Variants in PRRC2B observed in about 807,000 individuals in gnomAD.
The protein encoded by PRRC2B is proline rich coiled-coil 2B.
In PRRC2B, 68 loss-of-function variants were observed where a neutral mutation model predicts 242.3. That is an observed-to-expected ratio of 0.28 (90% CI 0.23 to 0.34). The LOEUF (loss-of-function observed/expected upper bound fraction) is 0.34. PRRC2B is among the 10% of genes least tolerant of loss of function. PRRC2B has a pLI of 1.00. For synonymous variants in PRRC2B, 1,228 were observed against 1,173.6 expected, an observed-to-expected ratio of 1.05 and a Z score of -0.95; for missense variants, 2,835 against 2,954.8, an observed-to-expected ratio of 0.96 and a Z score of 0.94.
At chr9:131,452,797 G>C (rs766462243) in intron 9 of PRRC2B, among the ~76,000 whole-genome samples, 1 of 152,198 alleles carries the variant, frequency 6.6e-6, no homozygotes, top group African/African-American at 2.4e-5. Flanking sequence ...AGCACATTCT[G>C]TATGATTTCA....
At chr9:131,467,851 A>G in intron 13 of PRRC2B, 98 bp downstream of exon 13, 1 of 1,267,326 alleles carries the variant, frequency 7.9e-7, no homozygotes, top group African/African-American at 1.5e-5. Flanking sequence ...CAACTTAGAA[A>G]AAGGCCAGAA....
chr9:131,443,537 G>T (rs1485417797), intron 5 of PRRC2B, among the ~76,000 whole-genome samples: 1 of 148,664 alleles, frequency 6.7e-6, no homozygotes, highest in East Asian at 2.0e-4. Flanking sequence ...GGGCTCAAGT[G>T]ATCCTCCCAC....
intron 25 of PRRC2B, 199 bp from the exon 26 acceptor site, chr9:131,485,886 T>C (rs892096311): frequency 2.8e-6 from 2 of 713,452 alleles, no homozygotes; most frequent in African/African-American, 3.4e-5. Flanking sequence ...CTCCCTACGT[T>C]CCCTGAGGTG....
At chr9:131,428,302 C>G (rs188629602) in intron 1 of PRRC2B, among the ~76,000 whole-genome samples, 408 of 152,208 alleles carry the variant, frequency 2.7e-3, no homozygotes, top group Admixed American at 5.0e-3. Context: ...CTCACTGCAG[C>G]CTCAAGCTCC....
At chr9:131,409,062 G>A (rs970005420) in intron 1 of PRRC2B, among the ~76,000 whole-genome samples, 2 of 143,220 alleles carry the variant, frequency 1.4e-5, no homozygotes, top group Admixed American at 7.3e-5. Context: ...TGCTCTTGTC[G>A]CCCAGGCTGG....
intron 23 of PRRC2B, among the ~76,000 whole-genome samples, chr9:131,484,022 A>G (rs757715819): frequency 2.6e-5 from 4 of 152,240 alleles, no homozygotes; most frequent in Non-Finnish European, 5.9e-5. Flanking sequence ...GAGGATTCCA[A>G]GGAATGTGAG....
At chr9:131,376,699 T>C (rs986146590) in intron 1 of PRRC2B, among the ~76,000 whole-genome samples, 6 of 152,138 alleles carry the variant, frequency 3.9e-5, no homozygotes, top group Admixed American at 2.0e-4. Context: ...CAAAACCCAC[T>C]TGGGACTGCT....
At chr9:131,448,959 G>A (rs960773182) in intron 9 of PRRC2B, among the ~76,000 whole-genome samples, 3 of 152,106 alleles carry the variant, frequency 2.0e-5, no homozygotes, top group Admixed American at 2.0e-4. Flanking sequence ...CCAGTGCTCT[G>A]CCCTGCCACC....
At chr9:131,479,468 T>C in intron 19 of PRRC2B, 75 bp downstream of exon 19, 30 of 1,452,668 alleles carry the variant, frequency 2.1e-5, no homozygotes, top group Non-Finnish European at 2.8e-5. Context: ...CTGGGGAGGA[T>C]CCTGCTTTTG....
At position 131,381,651 on chromosome 9, in the gene PRRC2B, C is replaced by T. The variant is rs141154203; in HGVS notation, c.-56+7920C>T. Among the ~76,000 whole-genome samples the T allele has an allele frequency of 1.8e-3, 280 of 152,164 alleles. 1 individual carries two copies. The highest frequency in any genetic ancestry group is 7.3e-3 in the South Asian group (35 of 4,816). On this transcript the variant is annotated intron_variant, in intron 1 of 1. Coordinates refer to the PRRC2B transcript ENST00000682525. The stretch of plus-strand genomic sequence containing the variant: ...AGCCAGGATGGTCTTGATCTCCTGA[C>T]CTCGTGATCTGCCTGCCTCGGCCTC...
chr9:131,460,737 C>T (rs1943219330), intron 11 of PRRC2B, among the ~76,000 whole-genome samples: 1 of 152,164 alleles, frequency 6.6e-6, no homozygotes, highest in African/African-American at 2.4e-5. Flanking sequence ...CAGTGCGTGT[C>T]CTTTTTCCCT....
At position 131,487,159 on chromosome 9, in the gene PRRC2B, G is replaced by A. The variant is rs372401226; in HGVS notation, c.5857-8G>A. 2.2e-4 allele frequency: 349 copies of A among 1,613,020 alleles called. No individual in the cohort carries two copies. The highest frequency in any genetic ancestry group is 2.8e-4 in the Non-Finnish European group (325 of 1,179,592). On this transcript the variant is annotated splice_polypyrimidine_tract_variant and splice_region_variant and intron_variant, in intron 26 of 31. Coordinates refer to ENST00000683519, the MANE Select transcript of PRRC2B (RefSeq NM_013318.4). The surrounding 1 kb of genome is among the most constrained non-coding windows in gnomAD (Gnocchi z 5.3). ...GTTACCTCCCCGACCCCGTTTTCCC[G>A]TTCACAGGCCGCCGCTGCCCAGCAG...
chr9:131,440,631 A>G (rs1253181501), intron 5 of PRRC2B, among the ~76,000 whole-genome samples: 1 of 152,232 alleles, frequency 6.6e-6, no homozygotes, highest in Admixed American at 6.5e-5. Context: ...AAGATTATTC[A>G]CTGCAACATT....
At chr9:131,400,211 G>C (rs1200133183) in intron 1 of PRRC2B, among the ~76,000 whole-genome samples, 2 of 152,096 alleles carry the variant, frequency 1.3e-5, no homozygotes, top group Admixed American at 1.3e-4. Context: ...AGCCTCCCAA[G>C]TAGCTGGGAT....
At chr9:131,464,733 C>T (rs751698309) in intron 11 of PRRC2B, 30 bp from the exon 12 acceptor site, 28 of 1,539,688 alleles carry the variant, frequency 1.8e-5, no homozygotes, top group Middle Eastern at 1.8e-4. Flanking sequence ...CCGGACCCAC[C>T]GCCTTATCTC....
chr9:131,461,174 A>G (rs1215927853), intron 11 of PRRC2B, among the ~76,000 whole-genome samples: 2 of 151,738 alleles, frequency 1.3e-5, no homozygotes, highest in East Asian at 3.9e-4. Flanking sequence ...TGTATGACCA[A>G]TCTCATTTCT....
chr9:131,459,381 G>A (rs1943177524), intron 11 of PRRC2B, 25 bp downstream of exon 11: 2 of 1,594,030 alleles, frequency 1.3e-6, no homozygotes, highest in Non-Finnish European at 1.7e-6. Flanking sequence ...TGGCTGTCCT[G>A]TGTATTTGTA....
intron 29 of PRRC2B, 53 bp from the exon 30 acceptor site, chr9:131,492,116 C>A: frequency 7.2e-7 from 1 of 1,396,012 alleles, no homozygotes; most frequent in South Asian, 1.2e-5. Context: ...AGTGTGTGGT[C>A]CAGCTGTCTC....
intron 1 of PRRC2B, among the ~76,000 whole-genome samples, chr9:131,375,125 G>A (rs905904459): frequency 6.6e-6 from 1 of 152,174 alleles, no homozygotes; most frequent in African/African-American, 2.4e-5. Context: ...GGCACTGGCC[G>A]GGTGCTGTGG....
Sources: gnomAD v4.1 joint callset for allele counts (sites outside exome capture counted in the v4.1 genomes callset) on GRCh38, gnomAD v4.1.1 for gene constraint, Gnocchi (gnomAD v3.1) non-coding constraint, MANE v1.5 for transcripts, NCBI Gene and HGNC (gene_info 2026-07-23, HGNC 2026-07-21) for gene names.